The following FMN1 variants were observed in gnomAD, a reference collection of about 807,000 sequenced individuals.
FMN1 encodes formin 1.
In FMN1, 110 loss-of-function variants were observed where a neutral mutation model predicts 132.4. The ratio of observed to expected loss-of-function variants is 0.83; its 90% CI spans 0.71 to 0.97. The LOEUF (loss-of-function observed/expected upper bound fraction) is 0.97. Among genes scored for constraint, FMN1 ranks in the 50% least tolerant of loss-of-function variants. FMN1 has a pLI of 0.00. For synonymous variants in FMN1, 722 were observed against 651.7 expected (o/e 1.11, Z -1.64); for missense variants, 1,792 against 1,705.3 (o/e 1.05, Z -0.90).
At chr15:33,140,624 C>A (rs1468693574) in intron 4 of FMN1, among the ~76,000 whole-genome samples, 5 of 152,114 alleles carry the variant, frequency 3.3e-5, no homozygotes, top group Non-Finnish European at 1.5e-5. Context: ...ATGTAAAGTG[C>A]TTTAAGATGG....
intron 9 of FMN1, among the ~76,000 whole-genome samples, chr15:32,955,796 T>C (rs1489043919): frequency 1.4e-5 from 2 of 144,138 alleles, no homozygotes; most frequent in African/African-American, 2.8e-5. Flanking sequence ...ATTTTAAAGA[T>C]GTGTGTGCGT....
Position 32,840,331 on chromosome 15 carries a change from T to C in FMN1, c.3928+16684A>G, listed in dbSNP as rs555572333. On this transcript the variant is annotated intron_variant, in intron 17 of 20. Transcript: ENST00000616417. ...GAGGACTAAGTCACTTCAAGGATGA[T>C]CATATTCCCAGGAGGAGCCATGATA... Among the ~76,000 whole-genome samples, 21 of 152,286 alleles carry C rather than the reference T, an allele frequency of 1.4e-4. No homozygotes were observed. In the South Asian group the frequency reaches 3.9e-3, roughly 29 times the overall value.
intron 6 of FMN1, among the ~76,000 whole-genome samples, chr15:33,033,977 C>T (rs973359452): frequency 1.3e-5 from 2 of 152,132 alleles, no homozygotes; most frequent in African/African-American, 4.8e-5. Flanking sequence ...TTCTCCTCTT[C>T]ATCTCAGTCT....
At chr15:33,129,141 C>T (rs549948060) in intron 4 of FMN1, among the ~76,000 whole-genome samples, 2 of 152,194 alleles carry the variant, frequency 1.3e-5, no homozygotes, top group Non-Finnish European at 2.9e-5. Context: ...GGCTTCACCT[C>T]TCAATATTTT....
intron 17 of FMN1, chr15:32,837,280 C>G (rs1267674809): frequency 4.7e-6 from 1 of 211,510 alleles, no homozygotes; most frequent in Non-Finnish European, 1.0e-5. Context: ...AACTTCTACT[C>G]TTTGTTCAAA....
intron 7 of FMN1, among the ~76,000 whole-genome samples, chr15:33,006,772 C>T (rs1321083666): frequency 6.6e-6 from 1 of 151,962 alleles, no homozygotes; most frequent in Non-Finnish European, 1.5e-5. Context: ...CATTATGTTA[C>T]GTGAAATATG....
At position 33,153,022 on chromosome 15, in the gene FMN1, T is replaced by G. The variant is rs1425091543; in HGVS notation, c.1867+26A>C. The G allele has an allele frequency of 2.7e-6, 4 of 1,473,264 alleles. No individual in the cohort carries two copies. The Admixed American group carries it at 9.9e-5, about 37-fold the overall frequency. The allele number at this position is 1,473,264 out of a possible 1,614,324, so 91.3% of individuals were successfully genotyped here. On this transcript the variant is annotated intron_variant, in intron 4 of 20. Coordinates refer to ENST00000616417, the MANE Select transcript of FMN1 (RefSeq NM_001277313.2). ...GTTCCCCAATCAGCCAAGAATAGATTCAAAGCATCTTAAACAGAGACTAAC... is the reference window on the plus strand; with the variant it reads ...GTTCCCCAATCAGCCAAGAATAGATGCAAAGCATCTTAAACAGAGACTAAC...
chr15:33,123,791 A>G (rs1168476357), intron 4 of FMN1, among the ~76,000 whole-genome samples: 1 of 152,224 alleles, frequency 6.6e-6, no homozygotes, highest in African/African-American at 2.4e-5. Context: ...AACTTCTTGT[A>G]TTACAAGTGG....
intron 12 of FMN1, among the ~76,000 whole-genome samples, chr15:32,905,639 T>C (rs1033502271): frequency 1.3e-5 from 2 of 152,142 alleles, no homozygotes; most frequent in African/African-American, 2.4e-5. Flanking sequence ...GTAAGAGAGT[T>C]GATGAGGTGA....
chr15:33,127,560 T>C (rs1566940503), intron 4 of FMN1, among the ~76,000 whole-genome samples: 1 of 152,232 alleles, frequency 6.6e-6, no homozygotes, highest in Non-Finnish European at 1.5e-5. Context: ...GTGAACCTTT[T>C]AAAACAGAAA....
chr15:33,050,536 T>G (rs2036921013), intron 6 of FMN1, among the ~76,000 whole-genome samples: 1 of 152,214 alleles, frequency 6.6e-6, no homozygotes. Context: ...ACACCACTTA[T>G]ATCAGAAAAA....
intron 10 of FMN1, among the ~76,000 whole-genome samples, chr15:32,911,609 C>T (rs902189525): frequency 2.6e-5 from 4 of 152,052 alleles, no homozygotes; most frequent in Admixed American, 6.5e-5. Flanking sequence ...ACAATTTTAA[C>T]AAAGCTAAAA....
intron 17 of FMN1, among the ~76,000 whole-genome samples, chr15:32,806,956 C>T (rs1454575234): frequency 6.6e-6 from 1 of 152,168 alleles, no homozygotes; most frequent in East Asian, 1.9e-4. Flanking sequence ...TATTCCTTTC[C>T]TCATGTGTTT....
At chr15:32,876,771 T>TC (rs1246726032) in intron 16 of FMN1, among the ~76,000 whole-genome samples, 3 of 152,334 alleles carry the variant, frequency 2.0e-5, no homozygotes, top group Non-Finnish European at 4.4e-5. Context: ...GATGCTGTCA[T>TC]TATGGAGTAT....
chr15:33,018,226 C>A (rs1161744697), intron 6 of FMN1, among the ~76,000 whole-genome samples: 1 of 152,014 alleles, frequency 6.6e-6, no homozygotes, highest in East Asian at 1.9e-4. Flanking sequence ...GGCCCTTGAC[C>A]CCACTTCCTG....
intron 5 of FMN1, among the ~76,000 whole-genome samples, chr15:33,082,936 T>C (rs2038543102): frequency 1.3e-5 from 2 of 152,138 alleles, no homozygotes; most frequent in South Asian, 4.1e-4. Flanking sequence ...ATTTGGAAAC[T>C]TCATGGCCCA....
At chr15:33,085,466 G>A (rs2038650954) in intron 5 of FMN1, among the ~76,000 whole-genome samples, 2 of 151,162 alleles carry the variant, frequency 1.3e-5, no homozygotes, top group South Asian at 4.2e-4. Context: ...GAAAAACTAA[G>A]CAACATACTA....
At chr15:33,100,502 G>A (rs2039253921) in intron 4 of FMN1, among the ~76,000 whole-genome samples, 1 of 149,554 alleles carries the variant, frequency 6.7e-6, no homozygotes, top group African/African-American at 2.6e-5. Flanking sequence ...CATTTTTAAA[G>A]GAGGAAAGGG....
At chr15:33,131,052 G>A (rs558275105) in intron 4 of FMN1, among the ~76,000 whole-genome samples, 5 of 152,118 alleles carry the variant, frequency 3.3e-5, no homozygotes, top group South Asian at 2.1e-4. Flanking sequence ...GTATTAGGCC[G>A]GGTGCGGTGG....
Sources: gnomAD v4.1 joint callset for allele counts (sites outside exome capture counted in the v4.1 genomes callset) on GRCh38, gnomAD v4.1.1 for gene constraint, MANE v1.5 for transcripts, NCBI Gene and HGNC (gene_info 2026-07-23, HGNC 2026-07-21) for gene names.